Variants in SPATA6L observed in about 807,000 individuals in gnomAD.
SPATA6L encodes spermatogenesis associated 6-like protein.
In SPATA6L, 68 loss-of-function variants were observed where a neutral mutation model predicts 49.2. The ratio of observed to expected loss-of-function variants is 1.38; its 90% CI spans 1.14 to 1.69. SPATA6L has a LOEUF of 1.69. SPATA6L is among the 40% of genes most tolerant of loss of function. The pLI is 0.00. For synonymous variants in SPATA6L, 198 were observed against 165.7 expected (o/e 1.19, Z -1.50); for missense variants, 668 against 464.3 (o/e 1.44, Z -4.03).
intron 3 of SPATA6L, among the ~76,000 whole-genome samples, chr9:4,642,243 T>G (rs570979872): frequency 6.6e-6 from 1 of 152,310 alleles, no homozygotes; most frequent in East Asian, 1.9e-4. Flanking sequence ...TTCTACTTCC[T>G]CAGCATACTA....
intron 3 of SPATA6L, among the ~76,000 whole-genome samples, chr9:4,636,548 C>G (rs1425114636): frequency 6.6e-6 from 1 of 152,138 alleles, no homozygotes; most frequent in African/African-American, 2.4e-5. Context: ...TGAGAGTGGT[C>G]CCCGCACAGA....
intron 2 of SPATA6L, 74 bp from the exon 3 acceptor site, chr9:4,656,163 G>A (rs183298384): frequency 1.0e-4 from 129 of 1,255,002 alleles, no homozygotes; most frequent in Non-Finnish European, 1.3e-4. Flanking sequence ...TAAATGCCAG[G>A]TGCAGTAGCT....
intron 13 of SPATA6L, among the ~76,000 whole-genome samples, chr9:4,592,315 A>AC (rs33942620): frequency 4.9e-5 from 1 of 20,474 alleles, no homozygotes; most frequent in Non-Finnish European, 2.1e-4. Context: ...ACTCCATCTC[A>AC]AAAAAAAAAA....
chr9:4,615,474 T>C (rs1254399181), intron 9 of SPATA6L, among the ~76,000 whole-genome samples: 1 of 152,202 alleles, frequency 6.6e-6, no homozygotes, highest in Non-Finnish European at 1.5e-5. Flanking sequence ...AGGCAATTCT[T>C]CCGTTGGCCA....
At chr9:4,647,411 G>C (rs1232145181) in intron 3 of SPATA6L, among the ~76,000 whole-genome samples, 1 of 152,096 alleles carries the variant, frequency 6.6e-6, no homozygotes. Flanking sequence ...GGCCAACATA[G>C]TGAAACCCCG....
chr9:4,663,150 A>C (rs748309678), intron 1 of SPATA6L: 1 of 1,613,800 alleles, frequency 6.2e-7, no homozygotes, highest in Admixed American at 1.7e-5. Flanking sequence ...GCACAATGTC[A>C]CCGACGTAGC....
chr9:4,610,804 A>C (rs999904460), intron 9 of SPATA6L, among the ~76,000 whole-genome samples: 1 of 152,212 alleles, frequency 6.6e-6, no homozygotes, highest in African/African-American at 2.4e-5. Context: ...AATGGGATCT[A>C]ATTCAACTAA....
intron 3 of SPATA6L, among the ~76,000 whole-genome samples, chr9:4,643,731 G>A (rs754400121): frequency 7.9e-5 from 12 of 152,242 alleles, no homozygotes; most frequent in Non-Finnish European, 1.3e-4. Context: ...TAGGCCGGGG[G>A]CAGTGGCTCA....
At chr9:4,665,168 G>A (rs1485520939) in intron 1 of SPATA6L, 1 of 167,060 alleles carries the variant, frequency 6.0e-6, no homozygotes, top group Non-Finnish European at 1.5e-5. Flanking sequence ...AGCATCCTAA[G>A]TACAGTAGAG....
intron 3 of SPATA6L, among the ~76,000 whole-genome samples, chr9:4,640,157 C>T (rs1387369298): frequency 6.6e-6 from 1 of 152,154 alleles, no homozygotes; most frequent in Non-Finnish European, 1.5e-5. Context: ...TTACCCAAAG[C>T]GAAGGTATTT....
intron 7 of SPATA6L, among the ~76,000 whole-genome samples, 199 bp downstream of exon 7, chr9:4,622,209 G>A (rs1399368151): frequency 6.6e-6 from 1 of 152,212 alleles, no homozygotes; most frequent in Non-Finnish European, 1.5e-5. Flanking sequence ...TCAACGGCGA[G>A]GGGAATGCTC....
intron 5 of SPATA6L, chr9:4,626,539 C>A: frequency 7.7e-7 from 1 of 1,304,088 alleles, no homozygotes; most frequent in Non-Finnish European, 1.0e-6. Flanking sequence ...CAACATCTTC[C>A]CTTTGTTTCC....
intron 3 of SPATA6L, among the ~76,000 whole-genome samples, chr9:4,638,280 T>C (rs959761965): frequency 6.6e-6 from 1 of 152,188 alleles, no homozygotes; most frequent in Admixed American, 6.5e-5. Flanking sequence ...GGCACAGTTT[T>C]GGCTCACTGC....
At chr9:4,644,183 CAAAAAAAAAAAAAAAAAAAAAAA>C (rs58325546) in intron 3 of SPATA6L, among the ~76,000 whole-genome samples, 1 of 45,668 alleles carries the variant, frequency 2.2e-5, no homozygotes, top group Non-Finnish European at 4.6e-5. Flanking sequence ...GCCATCTCTG[CAAAAAAAAAAAAAAAAAAAAAAA>C]AAAAAAAAAA....
At chr9:4,647,711 G>C (rs922305130) in intron 3 of SPATA6L, among the ~76,000 whole-genome samples, 1 of 151,726 alleles carries the variant, frequency 6.6e-6, no homozygotes, top group Admixed American at 6.6e-5. Flanking sequence ...TTAAAATAAG[G>C]ACAAGAATAA....
At chr9:4,646,410 A>G (rs1481136765) in intron 3 of SPATA6L, 2 of 923,160 alleles carry the variant, frequency 2.2e-6, no homozygotes, top group East Asian at 2.8e-5. Flanking sequence ...TCTTAAGTAC[A>G]GTCCCCATTT....
intron 1 of SPATA6L, chr9:4,663,129 ATGC>A (rs778587849): frequency 6.2e-7 from 1 of 1,613,902 alleles, no homozygotes; most frequent in African/African-American, 1.3e-5. Flanking sequence ...ATCCAGGGTC[ATGC>A]TGGGGCGGCA....
rs765716483 is a variant in SPATA6L at position 4,629,159 on chromosome 9, G to C, written c.361C>G (p.Pro121Ala). The change falls in exon 5 of 12, where the codon CCC becomes GCC. Residue 121 changes from proline to alanine, a missense_variant. Coordinates refer to ENST00000682582, the MANE Select transcript of SPATA6L (RefSeq NM_001353486.2). ...GTCCTTGTAGAAAACTCTATTTTGG[G>C]AGCAATGCCCTATAAAACAGCATAA... ...KTALGFPGIAPKIEFSTRTAI... is the reference protein window; with the variant it reads ...KTALGFPGIAAKIEFSTRTAI... The C allele has an allele frequency of 1.9e-6, 3 of 1,598,882 alleles. No individual in the cohort carries two copies. The African/African-American group carries it at 4.5e-5, about 24-fold the overall frequency.
chr9:4,614,051 T>C (rs1239542467), intron 9 of SPATA6L, among the ~76,000 whole-genome samples: 1 of 152,210 alleles, frequency 6.6e-6, no homozygotes, highest in Non-Finnish European at 1.5e-5. Flanking sequence ...TTACATGCAA[T>C]TTATTTTACA....
Sources: allele counts gnomAD v4.1 joint callset (sites outside exome capture counted in the v4.1 genomes callset), GRCh38; gene constraint gnomAD v4.1.1; transcripts MANE v1.5; gene names NCBI Gene and HGNC (gene_info 2026-07-23, HGNC 2026-07-21).